Variants in CAD observed in about 807,000 individuals in gnomAD.
CAD encodes carbamoyl-phosphate synthetase 2, aspartate transcarbamylase, and dihydroorotase.
CAD carries 81 observed loss-of-function variants against 237.2 expected under a neutral mutation model. The ratio of observed to expected loss-of-function variants is 0.34; its 90% CI spans 0.29 to 0.41. The LOEUF is 0.41. Ranked by LOEUF, CAD falls within the 10% of genes least tolerant of loss-of-function variation. The probability of loss-of-function intolerance (pLI) is 1.00; values close to 1 mark genes in which losing one functional copy is unlikely to be tolerated. For missense variants in CAD, 2,181 were observed against 2,951.7 expected (o/e 0.74, Z 6.05); for synonymous variants, 1,196 against 1,162.8 (o/e 1.03, Z -0.58).
chr2:27,232,803 C>A lies in CAD; in HGVS notation c.2892+109C>A. On this transcript the variant is annotated intron_variant, in intron 18 of 43. Transcript: ENST00000264705. This position sits in a 1 kb window ranked among gnomAD's most constrained non-coding sequence, Gnocchi z 4.1. ...ATTAATTGCCGTCCCTTACTTTGGT[C>A]ATAGAGCTTTGGGGTGGGGGTCCTT... The A allele has an allele frequency of 7.0e-7, 1 of 1,426,728 alleles. No homozygotes were observed. The highest frequency in any genetic ancestry group is 9.7e-7 in the Non-Finnish European group (1 of 1,028,650). 88.4% of individuals were successfully genotyped at this position (1,426,728 alleles called of 1,614,324 possible).
chr2:27,240,956 G>C lies in CAD; in HGVS notation c.5638+1G>C. The C allele has an allele frequency of 6.2e-7, 1 of 1,614,114 alleles. No homozygotes were observed. The highest frequency in any genetic ancestry group is 8.5e-7 in the Non-Finnish European group (1 of 1,180,010). On this transcript the variant is annotated splice_donor_variant, in intron 36 of 43. Transcript: ENST00000264705. LOFTEE classifies it high-confidence loss of function. The surrounding 1 kb of genome is among the most constrained non-coding windows in gnomAD (Gnocchi z 4.6). ...TCCTCTCGGAAGGTAGCCGAGCCAG[G>C]TGAGACTCCACCCTGACACACACTC...
chr2:27,231,755 A>G (rs1211763211), intron 16 of CAD, among the ~76,000 whole-genome samples, 175 bp downstream of exon 16: 2 of 152,214 alleles, frequency 1.3e-5, no homozygotes, highest in African/African-American at 4.8e-5. Context: ...GTGTATTACT[A>G]GACTTGTTTT....
Position 27,234,533 on chromosome 2 carries a change from G to C in CAD, c.3634G>C (p.Val1212Leu). ...QLIAKDDQLK[V>L]IECNVRVSRS... ...TCTGCCCCAGGATGACCAGCTGAAA[G>C]TTATTGAATGCAACGTACGTGTCTC... The change falls in exon 23 of 44, where the codon GTT (valine) becomes CTT (leucine). Residue 1212 changes from valine to leucine, a missense_variant. Physicochemically the swap from Val to Leu is conservative, Grantham distance 32. Coordinates refer to ENST00000264705, the MANE Select transcript of CAD (RefSeq NM_004341.5). 1 of 1,613,986 alleles carries C rather than the reference G, an allele frequency of 6.2e-7. No homozygotes were observed. The highest frequency in any genetic ancestry group is 1.1e-5 in the South Asian group (1 of 91,070).
At chr2:27,218,104 G>C (rs1468248995) in intron 2 of CAD, 88 bp downstream of exon 2, 1 of 1,200,200 alleles carries the variant, frequency 8.3e-7, no homozygotes, top group Non-Finnish European at 1.2e-6. Context: ...ACACCCTGCT[G>C]GGCATCCTGC....
intron 5 of CAD, 96 bp downstream of exon 5, chr2:27,222,756 T>G: frequency 6.3e-7 from 1 of 1,575,852 alleles, no homozygotes; most frequent in Non-Finnish European, 8.7e-7. Flanking sequence ...GGAGTTGCAG[T>G]GAAGAAGATA....
Position 27,225,258 on chromosome 2 carries a change from T to C in CAD, c.1620+15T>C, listed in dbSNP as rs747445336. On this transcript the variant is annotated intron_variant, in intron 11 of 43. Coordinates refer to ENST00000264705, the MANE Select transcript of CAD (RefSeq NM_004341.5). The stretch of plus-strand genomic sequence containing the variant: ...CTCTTGAACAGGTTGGAGGGGTGTT[T>C]GGGTAAAGGAAGAATGGTGGTGTTT... 10 of 1,500,896 alleles carry C rather than the reference T, an allele frequency of 6.7e-6. No individual in the cohort carries two copies. The East Asian group carries it at 2.0e-4, about 31-fold the overall frequency. The allele number at this position is 1,500,896 out of a possible 1,614,324, so 93.0% of individuals were successfully genotyped here. A position where few individuals can be genotyped will look rare whatever the true frequency, so the allele number is the denominator to read the frequency against.
At position 27,226,592 on chromosome 2, in the gene CAD, A is replaced by T; in HGVS notation, c.2099A>T (p.Tyr700Phe). The T allele has an allele frequency of 6.2e-7, 1 of 1,614,114 alleles. No homozygotes were observed. Among genetic ancestry groups the T allele is most frequent in the East Asian group, 2.2e-5 (1 of 44,876 alleles). Residue 700 changes from tyrosine to phenylalanine, a missense_variant, in exon 14 of 44, where the codon TAT (tyrosine) becomes TTT (phenylalanine). Tyr to Phe is a conservative substitution (Grantham distance 22). Coordinates refer to ENST00000264705, the MANE Select transcript of CAD (RefSeq NM_004341.5). The stretch of plus-strand genomic sequence containing the variant: ...GCCCTGGCCAGTAAGGCCACAGGTT[A>T]TCCACTGGCTTATGTGGCAGCCAAG... ...SSALASKATG[Y>F]PLAYVAAKLA...
chr2:27,241,433 G>T lies in CAD; in HGVS notation c.5883+37G>T, dbSNP rs766400026. ...GGCCGGGGGTAGGGTCCAGGCCATC[G>T]CCTGCCCTTGGGCCGCATCAGCGCA... is the stretch of plus-strand genomic sequence containing the variant. On this transcript the variant is annotated intron_variant, in intron 38 of 43. Coordinates refer to ENST00000264705, the MANE Select transcript of CAD (RefSeq NM_004341.5). This position sits in a 1 kb window ranked among gnomAD's most constrained non-coding sequence, Gnocchi z 4.6. The T allele has an allele frequency of 2.5e-6, 4 of 1,602,956 alleles. No homozygotes were observed. The highest frequency in any genetic ancestry group is 2.2e-5 in the South Asian group (2 of 90,842).
intron 10 of CAD, 27 bp from the exon 11 acceptor site, chr2:27,224,983 G>A: frequency 6.2e-7 from 1 of 1,606,870 alleles, no homozygotes; most frequent in South Asian, 1.1e-5. Context: ...AGGTTCTGAT[G>A]CCTGTAACTC....
At chr2:27,230,364 C>T (rs979946781) in intron 15 of CAD, among the ~76,000 whole-genome samples, 7 of 147,174 alleles carry the variant, frequency 4.8e-5, no homozygotes, top group South Asian at 2.2e-4. Context: ...ATGAAGGGCC[C>T]GGCACGGTGG....
At chr2:27,228,377 C>T (rs1353473636) in intron 15 of CAD, among the ~76,000 whole-genome samples, 3 of 152,122 alleles carry the variant, frequency 2.0e-5, no homozygotes, top group Non-Finnish European at 2.9e-5. Context: ...ATTTGTGTTA[C>T]CTATTGCCTC....
rs1346116298 is a variant in CAD at position 27,225,250 on chromosome 2, G to C, written c.1620+7G>C. 6.5e-7 allele frequency: 1 copy of C among 1,541,776 alleles called. No homozygotes were observed. The highest frequency in any genetic ancestry group is 9.0e-7 in the Non-Finnish European group (1 of 1,115,756). On this transcript the variant is annotated splice_region_variant and intron_variant, in intron 11 of 43. Coordinates refer to ENST00000264705, the MANE Select transcript of CAD (RefSeq NM_004341.5). ...AGCAAATTCTCTTGAACAGGTTGGA[G>C]GGGTGTTTGGGTAAAGGAAGAATGG...
At chr2:27,224,596 G>A in intron 9 of CAD, 106 bp downstream of exon 9, 1 of 1,547,422 alleles carries the variant, frequency 6.5e-7, no homozygotes, top group Non-Finnish European at 8.8e-7. Context: ...CCAGATTTGG[G>A]GAATGTAGAG....
rs367846045 is a variant in CAD, at chr2:27,242,764, G to A, written c.6367G>A (p.Gly2123Ser). ...TGTGCGGGCCTTCGTGGCCTCCCGC[G>A]GCACCAAGCAGGTGAGACCCTCACA... ...PTVRAFVASRGTKQEEFESIE... is the reference protein window; with the variant it reads ...PTVRAFVASRSTKQEEFESIE... Residue 2123 changes from glycine to serine, a missense_variant, in exon 41 of 44, where the codon GGC (glycine) becomes AGC (serine). Gly to Ser is a moderately conservative substitution (Grantham distance 56). Around this residue, in one of 12 missense-constraint regions of CAD, gnomAD observed 170 missense variants for 212.1 expected, o/e 0.80. Transcript: ENST00000264705. This position sits in a 1 kb window ranked among gnomAD's most constrained non-coding sequence, Gnocchi z 6.4. 78 of 1,614,172 alleles carry A rather than the reference G, an allele frequency of 4.8e-5. 1 individual carries two copies. In the South Asian group the frequency reaches 5.6e-4, roughly 12 times the overall value.
intron 3 of CAD, 99 bp downstream of exon 3, chr2:27,221,446 G>A (rs1675159796): frequency 5.4e-6 from 6 of 1,113,420 alleles, no homozygotes; most frequent in Admixed American, 3.8e-5. Flanking sequence ...CTCTAAGATT[G>A]TGATAGTTGG....
Position 27,238,080 on chromosome 2 carries a change from C to G in CAD, c.4753C>G (p.Leu1585Val), listed in dbSNP as rs997368572. 2.8e-5 allele frequency: 46 copies of G among 1,614,230 alleles called. No homozygotes were observed. The highest frequency in any genetic ancestry group is 3.3e-5 in the Non-Finnish European group (39 of 1,180,042). ...GCATTTCGAGACATGGCCCTCCCAC[C>G]TCCCCATTGTGGCTCACGCAGAGCA... ...MEHFETWPSH[L>V]PIVAHAEQQT... Residue 1585 changes from leucine to valine, a missense_variant, in exon 30 of 44, where the codon CTC becomes GTC. This residue lies in a region of CAD where 478 missense variants were observed against 515.0 expected (regional missense o/e 0.93). Transcript: ENST00000264705.
Position 27,240,096 on chromosome 2 carries a change from C to CCTGGGATTA in CAD, c.5497-168_5497-167insTGGGATTAC, listed in dbSNP as rs1232867840. 1 of 647,848 alleles carries CCTGGGATTA rather than the reference C, an allele frequency of 1.5e-6. No individual in the cohort carries two copies. The highest frequency in any genetic ancestry group is 2.7e-6 in the Non-Finnish European group (1 of 371,784). The allele number at this position is 647,848 out of a possible 1,614,324, so 40.1% of individuals were successfully genotyped here. On this transcript the variant is annotated intron_variant, in intron 34 of 43. Coordinates refer to ENST00000264705, the MANE Select transcript of CAD (RefSeq NM_004341.5). This position sits in a 1 kb window ranked among gnomAD's most constrained non-coding sequence, Gnocchi z 4.6. Reference sequence around the variant, plus strand: ...TCTCTACTAAAAATAAAAAAATTAGCCAGGCGTGGTGGTGCACATCTGTAA... The same window carrying CCTGGGATTA: ...TCTCTACTAAAAATAAAAAAATTAGCCTGGGATTACAGGCGTGGTGGTGCACATCTGTAA...
chr2:27,218,186 G>A (rs1415326341), intron 2 of CAD, among the ~76,000 whole-genome samples, 170 bp downstream of exon 2: 2 of 152,350 alleles, frequency 1.3e-5, no homozygotes, highest in East Asian at 3.9e-4. Flanking sequence ...GGGTTGTTAA[G>A]TGCCTTGGGA....
chr2:27,219,439 C>G (rs961045357), intron 2 of CAD, among the ~76,000 whole-genome samples: 2 of 151,984 alleles, frequency 1.3e-5, no homozygotes, highest in Admixed American at 1.3e-4. Flanking sequence ...GCCACCTGAG[C>G]TCAAGTAGTC....
Sources: gnomAD v4.1 joint callset for allele counts (sites outside exome capture counted in the v4.1 genomes callset) on GRCh38, gnomAD v4.1.1 for gene constraint, gnomAD v4.1.1 regional missense constraint, Gnocchi (gnomAD v3.1) non-coding constraint, MANE v1.5 for transcripts, NCBI Gene and HGNC (gene_info 2026-07-23, HGNC 2026-07-21) for gene names.